Variants in UBE2W observed in about 807,000 individuals in gnomAD.
The protein encoded by UBE2W is ubiquitin-conjugating enzyme E2 W.
In UBE2W, 18 loss-of-function variants were observed where a neutral mutation model predicts 27.2. That is an observed-to-expected ratio of 0.66 (90% CI 0.46 to 0.98). UBE2W has a LOEUF of 0.98. Among genes scored for constraint, UBE2W ranks in the 50% least tolerant of loss-of-function variants. The pLI, the probability that UBE2W is intolerant of heterozygous loss-of-function variation, is 0.00. For synonymous variants in UBE2W, 53 were observed against 57.2 expected, an observed-to-expected ratio of 0.93 and a Z score of 0.33; for missense variants, 90 against 180.2, an observed-to-expected ratio of 0.50 and a Z score of 2.87.
At position 73,878,832 on chromosome 8, in the gene UBE2W, A is replaced by AT; in HGVS notation, c.-11dup. 6.5e-7 allele frequency: 1 copy of AT among 1,550,198 alleles called. No individual in the cohort carries two copies. The highest frequency in any genetic ancestry group is 8.7e-7 in the Non-Finnish European group (1 of 1,146,270). On this transcript the variant is annotated 5_prime_UTR_variant, in exon 1 of 6. It adds an upstream start codon to the 5' untranslated region. Transcript: ENST00000602593. The stretch of plus-strand genomic sequence containing the variant: ...CCTGCATTGACGCCATGATGGAACC[A>AT]TCCCCCCAAGACCGGCGAGGCCAGA...
At position 73,786,604 on chromosome 8, in the gene UBE2W, A is replaced by G; in HGVS notation, c.*7498T>C. 1.0e-6 allele frequency: 1 copy of G among 984,894 alleles called. No individual in the cohort carries two copies. The allele number at this position is 984,894 out of a possible 1,614,324, so 61.0% of individuals were successfully genotyped here. Reference sequence around the variant, plus strand: ...GACCTTTCAGGTAGAAACGCAGATCATGAACATTCTAGGAGGGAAGAACAT... The same window carrying G: ...GACCTTTCAGGTAGAAACGCAGATCGTGAACATTCTAGGAGGGAAGAACAT... On this transcript the variant is annotated 3_prime_UTR_variant, in exon 6 of 6. Coordinates refer to ENST00000602593, the MANE Select transcript of UBE2W (RefSeq NM_018299.6).
intron 1 of UBE2W, among the ~76,000 whole-genome samples, chr8:73,854,201 C>A (rs980575935): frequency 1.3e-5 from 2 of 151,736 alleles, no homozygotes; most frequent in Non-Finnish European, 2.9e-5. Context: ...CTTAGTAACA[C>A]CATTCTTAAA....
chr8:73,791,717 C>T lies in UBE2W; in HGVS notation c.*2385G>A. The T allele has an allele frequency of 1.0e-6, 1 of 985,004 alleles. No homozygotes were observed. The highest frequency in any genetic ancestry group is 1.2e-6 in the Non-Finnish European group (1 of 829,690). The allele number at this position is 985,004 out of a possible 1,614,324, so 61.0% of individuals were successfully genotyped here. A position where few individuals can be genotyped will look rare whatever the true frequency, so the allele number is the denominator to read the frequency against. On this transcript the variant is annotated 3_prime_UTR_variant, in exon 6 of 6. Coordinates refer to ENST00000602593, the MANE Select transcript of UBE2W (RefSeq NM_018299.6). ...CTAAATTCAAGAGAGTGTTGTTAGC[C>T]TGATTATGAATTTTAAATGTCTGTG...
In UBE2W at chr8:73,780,850, G is replaced by C. The variant is rs181388206; in HGVS notation, c.430-333C>G. ...GGAAGAAATAACTTTCTAATAATCA[G>C]ATTTATTCAAAAGTGCAATGATTTT... On this transcript the variant is annotated intron_variant, in intron 4 of 4. Coordinates refer to the UBE2W transcript ENST00000523278. Among the ~76,000 whole-genome samples, 3 of 152,216 alleles carry C rather than the reference G, an allele frequency of 2.0e-5. No individual in the cohort carries two copies. In the East Asian group the frequency reaches 5.8e-4, roughly 29 times the overall value.
chr8:73,808,206 A>T (rs570578008), intron 4 of UBE2W, among the ~76,000 whole-genome samples: 68 of 152,320 alleles, frequency 4.5e-4, no homozygotes, highest in African/African-American at 1.4e-3. Flanking sequence ...TTTAATAATA[A>T]TAAAACGTGT....
intron 1 of UBE2W, among the ~76,000 whole-genome samples, chr8:73,872,482 ATTC>A (rs996453229): frequency 2.6e-5 from 4 of 152,210 alleles, no homozygotes; most frequent in Non-Finnish European, 4.4e-5. Context: ...GTATCTTCAT[ATTC>A]TTTATAAAAA....
rs1808268294 is a variant in UBE2W at position 73,793,063 on chromosome 8, CA to C, written c.*1038del. On this transcript the variant is annotated 3_prime_UTR_variant, in exon 6 of 6. Transcript: ENST00000602593. ...AGAAAATTTACAAGAAAAAACTTAA[CA>C]AAAGTTTCAATAAAAGTATTGTAAC... 1.0e-6 allele frequency: 1 copy of C among 985,208 alleles called. No individual in the cohort carries two copies. Among genetic ancestry groups the C allele is most frequent in the South Asian group, 4.7e-5 (1 of 21,276 alleles). The allele number at this position is 985,208 out of a possible 1,614,324, so 61.0% of individuals were successfully genotyped here. A position where few individuals can be genotyped will look rare whatever the true frequency, so the allele number is the denominator to read the frequency against.
chr8:73,873,650 T>C (rs998656645), intron 1 of UBE2W, among the ~76,000 whole-genome samples: 8 of 152,168 alleles, frequency 5.3e-5, no homozygotes, highest in African/African-American at 9.7e-5. Context: ...AGTGAGACCC[T>C]GTCTCAGAGA....
chr8:73,850,725 T>TAAAAAAAAAAAA (rs11318665), intron 1 of UBE2W, among the ~76,000 whole-genome samples: 1 of 63,588 alleles, frequency 1.6e-5, no homozygotes, highest in Non-Finnish European at 2.9e-5. Context: ...AGCAGGACAT[T>TAAAAAAAAAAAA]AAAAAAAAAA....
chr8:73,876,572 A>T (rs1812231692), intron 1 of UBE2W, among the ~76,000 whole-genome samples: 3 of 152,328 alleles, frequency 2.0e-5, no homozygotes, highest in Middle Eastern at 3.4e-3. Flanking sequence ...GAACAAGGTG[A>T]AGGAAAAACT....
intron 1 of UBE2W, chr8:73,870,404 AG>A: frequency 9.1e-7 from 1 of 1,102,948 alleles, no homozygotes; most frequent in African/African-American, 1.6e-5. Flanking sequence ...AAAAAAAAAA[AG>A]ACAAAAGCAT....
rs1270234716 is a variant in UBE2W, at chr8:73,792,292, T to C, written c.*1810A>G. ...GGTTATAATTTTTTAAAAGTGGTAA[T>C]TGTTAACTAGCAGTATATAAACAGT... On this transcript the variant is annotated 3_prime_UTR_variant, in exon 6 of 6. Coordinates refer to ENST00000602593, the MANE Select transcript of UBE2W (RefSeq NM_018299.6). The C allele has an allele frequency of 4.1e-5, 40 of 985,530 alleles. No individual in the cohort carries two copies. Among genetic ancestry groups the C allele is most frequent in the Admixed American group, 6.2e-5 (1 of 16,236 alleles). The allele number at this position is 985,530 out of a possible 1,614,324, so 61.0% of individuals were successfully genotyped here.
At chr8:73,874,003 C>G (rs183748980) in intron 1 of UBE2W, among the ~76,000 whole-genome samples, 1 of 152,140 alleles carries the variant, frequency 6.6e-6, no homozygotes, top group Non-Finnish European at 1.5e-5. Context: ...GAAAATTAGA[C>G]AGCATATATG....
At chr8:73,804,480 C>T (rs1808784557) in intron 5 of UBE2W, among the ~76,000 whole-genome samples, 1 of 151,858 alleles carries the variant, frequency 6.6e-6, no homozygotes, top group Admixed American at 6.6e-5. Flanking sequence ...ATTATCATTA[C>T]CATCCCAACA....
At chr8:73,868,705 A>G (rs1289555710) in intron 1 of UBE2W, among the ~76,000 whole-genome samples, 2 of 100,088 alleles carry the variant, frequency 2.0e-5, no homozygotes, top group African/African-American at 5.7e-5. Flanking sequence ...GCTTGGTGTG[A>G]AAAAAAAAAA....
chr8:73,861,751 CCCCATAG>C (rs1811542726), intron 1 of UBE2W, among the ~76,000 whole-genome samples: 1 of 152,164 alleles, frequency 6.6e-6, no homozygotes, highest in African/African-American at 2.4e-5. Context: ...TATGGAACCG[CCCCATAG>C]CCACATCTTA....
intron 1 of UBE2W, among the ~76,000 whole-genome samples, chr8:73,866,706 A>G (rs948006819): frequency 1.3e-5 from 2 of 152,172 alleles, no homozygotes; most frequent in Admixed American, 6.6e-5. Context: ...GCCAAAATTA[A>G]TTTTTGTGCT....
rs550090446 is a variant in UBE2W, at chr8:73,793,297, C to A, written c.*805G>T. 1.9e-5 allele frequency: 19 copies of A among 985,810 alleles called. No homozygotes were observed. The African/African-American group carries it at 2.8e-4, about 14-fold the overall frequency. 61.1% of individuals were successfully genotyped at this position (985,810 alleles called of 1,614,324 possible). A position where few individuals can be genotyped will look rare whatever the true frequency, so the allele number is the denominator to read the frequency against. Reference sequence around the variant, plus strand: ...ATGGACTGCAGCAATTTAATCATCACTGCCATTTTTCTTACTTCCAAAATA... The same window carrying A: ...ATGGACTGCAGCAATTTAATCATCAATGCCATTTTTCTTACTTCCAAAATA... On this transcript the variant is annotated 3_prime_UTR_variant, in exon 6 of 6. Coordinates refer to ENST00000602593, the MANE Select transcript of UBE2W (RefSeq NM_018299.6).
chr8:73,805,472 C>CAAAAAAAAAAAAAAAACAAAAAAAAA lies in UBE2W; in HGVS notation c.442+178_442+179insTTTTTTTTTGTTTTTTTTTTTTTTTT. ...TCCATCTCAAAAAAAAAAAAAAAAA[C>CAAAAAAAAAAAAAAAACAAAAAAAAA]AAAAAAAACTAGGGTAATTCATCCA... On this transcript the variant is annotated intron_variant, in intron 5 of 5. Coordinates refer to ENST00000602593, the MANE Select transcript of UBE2W (RefSeq NM_018299.6). Among the ~76,000 whole-genome samples the CAAAAAAAAAAAAAAAACAAAAAAAAA allele has an allele frequency of 1.9e-3, 82 of 43,684 alleles. 8 individuals carry two copies. The highest frequency in any genetic ancestry group is 3.3e-3 in the Non-Finnish European group (66 of 20,116). 28.7% of individuals were successfully genotyped at this position (43,684 alleles called of 152,430 possible).
Sources: allele counts gnomAD v4.1 joint callset (sites outside exome capture counted in the v4.1 genomes callset), GRCh38; gene constraint gnomAD v4.1.1; transcripts MANE v1.5; gene names NCBI Gene and HGNC (gene_info 2026-07-23, HGNC 2026-07-21).